Variants in LRRC4C observed in about 807,000 individuals in gnomAD.
LRRC4C encodes the protein leucine rich repeat containing 4C.
In LRRC4C, 5 loss-of-function variants were observed where a neutral mutation model predicts 33.6. The observed-to-expected ratio is 0.15, with a 90% CI of 0.08 to 0.31. The LOEUF is 0.31. LRRC4C is among the 10% of genes least tolerant of loss of function. The probability of loss-of-function intolerance (pLI) is 1.00; values close to 1 mark genes in which losing one functional copy is unlikely to be tolerated. For missense variants in LRRC4C, 560 were observed against 796.7 expected (o/e 0.70, Z 3.58); for synonymous variants, 329 against 302.0 (o/e 1.09, Z -0.93).
At position 41,182,764 on chromosome 11, in the gene LRRC4C, G is replaced by T. The variant is rs192389321; in HGVS notation, c.-495-249041C>A. Reference sequence around the variant, plus strand: ...ACTTCAAAATATACTTAACAATTCTGTCTCCCGTGATGTATTTACATATTA... The same window carrying T: ...ACTTCAAAATATACTTAACAATTCTTTCTCCCGTGATGTATTTACATATTA... On this transcript the variant is annotated intron_variant, in intron 1 of 6. Coordinates refer to ENST00000528697, the MANE Select transcript of LRRC4C (RefSeq NM_001258419.2). 6.7e-4 allele frequency among the ~76,000 whole-genome samples: 101 copies of T among 151,032 alleles called. 1 individual carries two copies. The East Asian group carries it at 0.017, about 25-fold the overall frequency.
chr11:41,443,382 G>A (rs1365603371), intron 1 of LRRC4C, among the ~76,000 whole-genome samples: 2 of 152,016 alleles, frequency 1.3e-5, no homozygotes, highest in African/African-American at 4.8e-5. Flanking sequence ...GGTGGTGCAT[G>A]CCTGTAGCCC....
At chr11:40,968,340 A>G (rs1851496785) in intron 1 of LRRC4C, among the ~76,000 whole-genome samples, 1 of 152,170 alleles carries the variant, frequency 6.6e-6, no homozygotes, top group South Asian at 2.1e-4. Flanking sequence ...GTATCACAAA[A>G]GCATAAAATG....
intron 3 of LRRC4C, among the ~76,000 whole-genome samples, chr11:40,425,558 C>T (rs551545254): frequency 2.0e-5 from 3 of 152,214 alleles, no homozygotes; most frequent in Admixed American, 1.3e-4. Flanking sequence ...CTACACATTG[C>T]CAGTTCCACA....
intron 1 of LRRC4C, among the ~76,000 whole-genome samples, chr11:41,431,995 G>A (rs1452308647): frequency 1.3e-5 from 2 of 152,124 alleles, no homozygotes; most frequent in East Asian, 3.9e-4. Flanking sequence ...ATTTCCGCTA[G>A]AGGGGCCATT....
In LRRC4C at chr11:41,304,079, G is replaced by A. The variant is rs1370937395; in HGVS notation, c.-496+155352C>T. ...AGCCCCCCGCCCAGCCAGCCACCCCGTCCGGGAGGTGAGGGGCGCCTCTGC... is the reference window on the plus strand; with the variant it reads ...AGCCCCCCGCCCAGCCAGCCACCCCATCCGGGAGGTGAGGGGCGCCTCTGC... On this transcript the variant is annotated intron_variant, in intron 1 of 6. Coordinates refer to ENST00000528697, the MANE Select transcript of LRRC4C (RefSeq NM_001258419.2). 8.7e-5 allele frequency among the ~76,000 whole-genome samples: 6 copies of A among 68,606 alleles called. 1 individual carries two copies. The highest frequency in any genetic ancestry group is 4.0e-4 in the Admixed American group (2 of 4,996). The allele number at this position is 68,606 out of a possible 152,430, so 45.0% of individuals were successfully genotyped here.
chr11:41,390,819 C>A (rs558533464), intron 1 of LRRC4C, among the ~76,000 whole-genome samples: 23 of 151,918 alleles, frequency 1.5e-4, no homozygotes, highest in African/African-American at 5.3e-4. Flanking sequence ...ACCATAGCTT[C>A]ATGTGGGCAA....
At chr11:40,769,668 T>C (rs1053051731) in intron 2 of LRRC4C, among the ~76,000 whole-genome samples, 1 of 152,136 alleles carries the variant, frequency 6.6e-6, no homozygotes, top group African/African-American at 2.4e-5. Flanking sequence ...ATCACAGAAG[T>C]AAATCCATAC....
intron 2 of LRRC4C, among the ~76,000 whole-genome samples, chr11:40,847,677 G>A (rs1432284996): frequency 6.6e-6 from 1 of 152,066 alleles, no homozygotes; most frequent in Non-Finnish European, 1.5e-5. Context: ...GAGTAAGAGA[G>A]GAGTCCCTCT....
chr11:41,018,920 C>A (rs1590254337), intron 1 of LRRC4C, among the ~76,000 whole-genome samples: 1 of 152,118 alleles, frequency 6.6e-6, no homozygotes, highest in East Asian at 1.9e-4. Flanking sequence ...GTAAAATTTA[C>A]CCTTTTTAGG....
intron 1 of LRRC4C, among the ~76,000 whole-genome samples, chr11:41,356,111 T>C (rs1417818617): frequency 1.3e-5 from 2 of 152,290 alleles, no homozygotes; most frequent in African/African-American, 4.8e-5. Flanking sequence ...ATGTGATATA[T>C]TCAATCATCT....
At chr11:40,888,864 C>A (rs1955577140) in intron 2 of LRRC4C, among the ~76,000 whole-genome samples, 1 of 151,954 alleles carries the variant, frequency 6.6e-6, no homozygotes, top group South Asian at 2.1e-4. Flanking sequence ...AAAATTTTCA[C>A]ACCAAAATGC....
intron 1 of LRRC4C, among the ~76,000 whole-genome samples, chr11:41,164,821 C>T (rs1006075417): frequency 2.0e-5 from 3 of 152,070 alleles, no homozygotes; most frequent in Non-Finnish European, 2.9e-5. Flanking sequence ...AAGATCTGTG[C>T]TAAAGGGTAG....
At chr11:40,165,613 A>C (rs895259691) in intron 5 of LRRC4C, among the ~76,000 whole-genome samples, 2 of 152,196 alleles carry the variant, frequency 1.3e-5, no homozygotes, top group Non-Finnish European at 2.9e-5. Flanking sequence ...AACCTGCTTC[A>C]GTTCTGAGTC....
intron 3 of LRRC4C, among the ~76,000 whole-genome samples, chr11:40,528,548 A>G (rs1256053926): frequency 1.3e-5 from 2 of 152,188 alleles, no homozygotes; most frequent in African/African-American, 2.4e-5. Context: ...GTGGGAATGT[A>G]AAATAATGCA....
chr11:40,647,764 G>A (rs1942554485), intron 3 of LRRC4C, among the ~76,000 whole-genome samples: 2 of 152,122 alleles, frequency 1.3e-5, no homozygotes, highest in East Asian at 3.9e-4. Flanking sequence ...ATCACCATTT[G>A]CCTGCCTGTT....
At chr11:40,780,236 C>G (rs1950163984) in intron 2 of LRRC4C, among the ~76,000 whole-genome samples, 1 of 152,052 alleles carries the variant, frequency 6.6e-6, no homozygotes, top group Non-Finnish European at 1.5e-5. Flanking sequence ...AATTCCAATA[C>G]AACATACTTT....
intron 6 of LRRC4C, among the ~76,000 whole-genome samples, chr11:40,127,352 G>A (rs534495043): frequency 1.3e-5 from 2 of 152,024 alleles, no homozygotes; most frequent in African/African-American, 4.8e-5. Flanking sequence ...GCATGGAGGC[G>A]GGGCAGTGTT....
intron 1 of LRRC4C, among the ~76,000 whole-genome samples, chr11:41,332,419 C>T (rs1270404722): frequency 6.6e-6 from 1 of 152,128 alleles, no homozygotes; most frequent in East Asian, 1.9e-4. Context: ...TGCAAGGTTT[C>T]CTAATGAAGC....
At chr11:40,700,524 A>C (rs1370603081) in intron 2 of LRRC4C, among the ~76,000 whole-genome samples, 1 of 152,172 alleles carries the variant, frequency 6.6e-6, no homozygotes, top group Non-Finnish European at 1.5e-5. Context: ...TGATTATCAC[A>C]GGAACTCTAA....
Sources: allele counts gnomAD v4.1 joint callset (sites outside exome capture counted in the v4.1 genomes callset), GRCh38; gene constraint gnomAD v4.1.1; transcripts MANE v1.5; gene names NCBI Gene and HGNC (gene_info 2026-07-23, HGNC 2026-07-21).